Variants in RALYL observed in about 807,000 individuals in gnomAD.
RALYL encodes the protein RALY RNA binding protein like.
Under a neutral mutation model 35.1 loss-of-function variants are expected in RALYL, and 29 were observed. The observed-to-expected ratio is 0.83, with a 90% CI of 0.61 to 1.13. RALYL has a LOEUF of 1.13. Ranked by LOEUF, RALYL falls within the 50% of genes most tolerant of loss-of-function variation. The pLI is 0.00. For synonymous variants in RALYL, 120 were observed against 127.6 expected, an observed-to-expected ratio of 0.94 and a Z score of 0.40; for missense variants, 359 against 360.4, an observed-to-expected ratio of 1.00 and a Z score of 0.03.
At chr8:84,639,603 T>C (rs555430781) in intron 2 of RALYL, among the ~76,000 whole-genome samples, 17 of 152,070 alleles carry the variant, frequency 1.1e-4, no homozygotes, top group African/African-American at 3.9e-4. Context: ...ATTAATTTAT[T>C]TTTTGTTTAT....
chr8:84,644,911 C>T (rs868412799), intron 2 of RALYL, among the ~76,000 whole-genome samples: 1 of 151,718 alleles, frequency 6.6e-6, no homozygotes. Flanking sequence ...ACCACCACAC[C>T]CAGCTAATTT....
chr8:84,873,685 A>G (rs1272193574), intron 7 of RALYL, among the ~76,000 whole-genome samples: 2 of 152,220 alleles, frequency 1.3e-5, no homozygotes, highest in South Asian at 2.1e-4. Flanking sequence ...TTATCTCAAT[A>G]TCAAGTAACC....
At chr8:84,200,140 TA>T (rs1435045789) in intron 1 of RALYL, among the ~76,000 whole-genome samples, 1 of 152,194 alleles carries the variant, frequency 6.6e-6, no homozygotes, top group Non-Finnish European at 1.5e-5. Context: ...TGAGCTTCTG[TA>T]ACAGTATTAG....
intron 2 of RALYL, among the ~76,000 whole-genome samples, chr8:84,712,603 A>G (rs947996376): frequency 4.6e-5 from 7 of 152,154 alleles, no homozygotes; most frequent in African/African-American, 1.4e-4. Flanking sequence ...CTTGACTATC[A>G]TATGTCACCT....
Position 84,541,591 on chromosome 8 carries a change from C to T in RALYL, c.256+12014C>T, listed in dbSNP as rs114408880. On this transcript the variant is annotated intron_variant, in intron 2 of 8. Transcript: ENST00000521268. ...CTTTATATGTCAAACAGGCAAAAAT[C>T]GCTAACTGAATTACTCTGACCTTCC... Among the ~76,000 whole-genome samples the T allele has an allele frequency of 3.6e-3, 554 of 152,092 alleles. 3 individuals carry two copies. Among genetic ancestry groups the T allele is most frequent in the African/African-American group, 0.013 (520 of 41,536 alleles).
intron 3 of RALYL, among the ~76,000 whole-genome samples, chr8:84,792,042 C>T (rs934071966): frequency 6.6e-6 from 1 of 152,268 alleles, no homozygotes; most frequent in Admixed American, 6.5e-5. Context: ...CCCCTGGTCT[C>T]TGGCCCCAGG....
chr8:84,358,952 G>A (rs1217446852), intron 1 of RALYL, among the ~76,000 whole-genome samples: 1 of 151,884 alleles, frequency 6.6e-6, no homozygotes, highest in Non-Finnish European at 1.5e-5. Context: ...TTACGCATTA[G>A]GTGATGAAGA....
In RALYL at chr8:84,400,396, A is replaced by G. The variant is rs939439335; in HGVS notation, c.-23-128903A>G. On this transcript the variant is annotated intron_variant, in intron 1 of 8. Coordinates refer to ENST00000521268, the MANE Select transcript of RALYL (RefSeq NM_173848.7). ...TCGGATTTTGGAGCATTTGGAGTGC[A>G]GATTTTCAGACTTGGGATGCTCAGC... is the stretch of plus-strand genomic sequence containing the variant. Among the ~76,000 whole-genome samples, 6 of 152,256 alleles carry G rather than the reference A, an allele frequency of 3.9e-5. No homozygotes were observed. The East Asian group carries it at 1.2e-3, about 30-fold the overall frequency.
chr8:84,419,686 TCCCTCCC>T (rs1256608066), intron 1 of RALYL, among the ~76,000 whole-genome samples: 1 of 110,752 alleles, frequency 9.0e-6, no homozygotes, highest in Non-Finnish European at 1.8e-5. Flanking sequence ...CCCAATGCTG[TCCCTCCC>T]CCCTCCCCCC....
At chr8:84,763,212 G>C (rs1274909353) in intron 2 of RALYL, among the ~76,000 whole-genome samples, 1 of 152,086 alleles carries the variant, frequency 6.6e-6, no homozygotes, top group Non-Finnish European at 1.5e-5. Flanking sequence ...TATGAAAAGA[G>C]AGAAATGAGA....
At chr8:84,690,035 T>C (rs1837699025) in intron 2 of RALYL, among the ~76,000 whole-genome samples, 1 of 152,124 alleles carries the variant, frequency 6.6e-6, no homozygotes, top group Non-Finnish European at 1.5e-5. Flanking sequence ...TACTTGTATA[T>C]TGAAAGGAAA....
intron 2 of RALYL, among the ~76,000 whole-genome samples, chr8:84,615,758 A>T (rs1309445529): frequency 1.1e-5 from 1 of 94,932 alleles, no homozygotes; most frequent in Non-Finnish European, 2.0e-5. Flanking sequence ...CCCCCACCCC[A>T]CAACAGTCCC....
intron 2 of RALYL, among the ~76,000 whole-genome samples, chr8:84,591,349 A>C (rs1322548358): frequency 6.6e-6 from 1 of 152,006 alleles, no homozygotes; most frequent in Non-Finnish European, 1.5e-5. Context: ...AAATGACTTT[A>C]TTATTTATAA....
intron 1 of RALYL, among the ~76,000 whole-genome samples, chr8:84,344,581 T>C (rs1849462799): frequency 6.6e-6 from 1 of 152,182 alleles, no homozygotes. Flanking sequence ...AATTGTGGGG[T>C]ACAGAGTTAT....
intron 1 of RALYL, among the ~76,000 whole-genome samples, chr8:84,245,991 A>G (rs1209294147): frequency 2.0e-5 from 3 of 152,192 alleles, no homozygotes; most frequent in Non-Finnish European, 4.4e-5. Context: ...TCAAGCCCTG[A>G]ATAATGTAAT....
intron 4 of RALYL, among the ~76,000 whole-genome samples, chr8:84,848,805 T>C (rs961476379): frequency 4.6e-5 from 7 of 152,178 alleles, no homozygotes; most frequent in Admixed American, 2.0e-4. Context: ...GTTATGTATG[T>C]TTTGCCACAA....
At chr8:84,823,779 T>G (rs913409633) in intron 4 of RALYL, among the ~76,000 whole-genome samples, 3 of 152,096 alleles carry the variant, frequency 2.0e-5, no homozygotes, top group African/African-American at 4.8e-5. Context: ...TACTTCTTTA[T>G]CTCTCTCTAT....
At chr8:84,454,687 A>T (rs781065358) in intron 1 of RALYL, among the ~76,000 whole-genome samples, 1 of 151,544 alleles carries the variant, frequency 6.6e-6, no homozygotes. Context: ...TCATACATCT[A>T]CTCTTTCAGG....
intron 2 of RALYL, among the ~76,000 whole-genome samples, chr8:84,735,099 T>C (rs1379512098): frequency 1.3e-5 from 2 of 151,408 alleles, no homozygotes; most frequent in Non-Finnish European, 2.9e-5. Context: ...GAAGCACAGT[T>C]TCATTTGCCA....
Sources: allele counts gnomAD v4.1 joint callset (sites outside exome capture counted in the v4.1 genomes callset), GRCh38; gene constraint gnomAD v4.1.1; transcripts MANE v1.5; gene names NCBI Gene and HGNC (gene_info 2026-07-23, HGNC 2026-07-21).